Variants in ITPR2 observed in about 807,000 individuals in gnomAD.
The protein encoded by ITPR2 is inositol 1,4,5-trisphosphate-gated calcium channel ITPR2.
Under a neutral mutation model 317.1 loss-of-function variants are expected in ITPR2, and 207 were observed. That is an observed-to-expected ratio of 0.65 (90% CI 0.58 to 0.73). The LOEUF is 0.73. Among genes scored for constraint, ITPR2 ranks in the 30% least tolerant of loss-of-function variants. The pLI is 0.00. For synonymous variants in ITPR2, 1,156 were observed against 1,149.1 expected (o/e 1.01, Z -0.12); for missense variants, 2,613 against 3,284.0 (o/e 0.80, Z 4.99).
chr12:26,682,340 A>G (rs114127339), intron 12 of ITPR2, among the ~76,000 whole-genome samples: 22 of 152,286 alleles, frequency 1.4e-4, no homozygotes, highest in African/African-American at 5.1e-4. Flanking sequence ...TGCTGCTACC[A>G]TTCTTTCTGG....
chr12:26,340,581 G>A (rs1278234780), intron 55 of ITPR2, among the ~76,000 whole-genome samples: 4 of 152,126 alleles, frequency 2.6e-5, no homozygotes, highest in Non-Finnish European at 4.4e-5. Flanking sequence ...AGAAAGCACC[G>A]TGAAGGCTGC....
At chr12:26,760,949 C>T (rs758814831) in intron 2 of ITPR2, among the ~76,000 whole-genome samples, 6 of 152,192 alleles carry the variant, frequency 3.9e-5, no homozygotes, top group Non-Finnish European at 8.8e-5. Flanking sequence ...ACCAGGCTGG[C>T]ATCCACAGAC....
At chr12:26,682,729 T>A (rs1011642472) in intron 11 of ITPR2, 56 bp from the exon 12 acceptor site, 2 of 933,480 alleles carry the variant, frequency 2.1e-6, no homozygotes, top group African/African-American at 3.4e-5. Flanking sequence ...CACTTACATA[T>A]TAACATCTTT....
At position 26,627,911 on chromosome 12, in the gene ITPR2, TA is replaced by T. The variant is rs549398115; in HGVS notation, c.3064+121del. ...CGTTCTGCACATGTATCCCAGAACT[TA>T]AAGTATAATAAAAAAATTTAAAAAG... On this transcript the variant is annotated intron_variant, in intron 23 of 56. Coordinates refer to ENST00000381340, the MANE Select transcript of ITPR2 (RefSeq NM_002223.4). 164 of 865,236 alleles carry T rather than the reference TA, an allele frequency of 1.9e-4. No homozygotes were observed. In the African/African-American group the frequency reaches 2.4e-3, roughly 13 times the overall value. The allele number at this position is 865,236 out of a possible 1,614,324, so 53.6% of individuals were successfully genotyped here.
intron 2 of ITPR2, among the ~76,000 whole-genome samples, chr12:26,788,484 T>G (rs1950294371): frequency 6.6e-6 from 1 of 152,172 alleles, no homozygotes; most frequent in East Asian, 1.9e-4. Context: ...TTTTAGAATT[T>G]TTCTCTTTGT....
intron 21 of ITPR2, among the ~76,000 whole-genome samples, chr12:26,653,461 C>T (rs1592000622): frequency 6.6e-6 from 1 of 152,168 alleles, no homozygotes; most frequent in East Asian, 1.9e-4. Flanking sequence ...AGGATGGTCT[C>T]GATCTCCTGA....
chr12:26,613,358 C>A (rs1250902886), intron 26 of ITPR2, among the ~76,000 whole-genome samples: 1 of 151,972 alleles, frequency 6.6e-6, no homozygotes, highest in Non-Finnish European at 1.5e-5. Context: ...CAGAAAATGA[C>A]AAAGTGCAGA....
rs386362868 is a variant in ITPR2, at chr12:26,462,673, C to CCTT, written c.6342+12622_6342+12623insAAG. On this transcript the variant is annotated intron_variant, in intron 45 of 56. Coordinates refer to ENST00000381340, the MANE Select transcript of ITPR2 (RefSeq NM_002223.4). ...TCAGCTATATAGTTAAGCTTTCTTT[C>CCTT]TTTTTTTTTTTTTTTTGAGACAGAG... is the stretch of plus-strand genomic sequence containing the variant. Among the ~76,000 whole-genome samples the CCTT allele has an allele frequency of 4.3e-3, 273 of 62,810 alleles. 5 individuals are homozygous for CCTT. The highest frequency in any genetic ancestry group is 8.6e-3 in the Middle Eastern group (1 of 116). The allele number at this position is 62,810 out of a possible 152,430, so 41.2% of individuals were successfully genotyped here. A position where few individuals can be genotyped will look rare whatever the true frequency, so the allele number is the denominator to read the frequency against.
At chr12:26,792,310 A>C (rs11048686) in intron 1 of ITPR2, among the ~76,000 whole-genome samples, 76,602 of 151,418 alleles carry the variant, frequency 0.51, 20,508 homozygotes, top group East Asian at 0.92. Flanking sequence ...CGACAAGAAG[A>C]AGCAAGGAGT....
At chr12:26,698,197 T>C (rs931907723) in intron 9 of ITPR2, among the ~76,000 whole-genome samples, 1 of 152,150 alleles carries the variant, frequency 6.6e-6, no homozygotes, top group Admixed American at 6.5e-5. Flanking sequence ...ACTCTATCCA[T>C]TGAAATCAAC....
chr12:26,830,637 T>C (rs1439161135), intron 1 of ITPR2, among the ~76,000 whole-genome samples: 3 of 152,250 alleles, frequency 2.0e-5, no homozygotes, highest in Non-Finnish European at 4.4e-5. Context: ...TGATATGCCA[T>C]CTATATAGTC....
At chr12:26,726,354 T>C (rs1470093210) in intron 2 of ITPR2, among the ~76,000 whole-genome samples, 3 of 152,128 alleles carry the variant, frequency 2.0e-5, no homozygotes, top group Non-Finnish European at 4.4e-5. Context: ...AACATCAAGA[T>C]AGAAAATCAT....
At chr12:26,489,455 G>A (rs1158733690) in intron 39 of ITPR2, among the ~76,000 whole-genome samples, 1 of 152,194 alleles carries the variant, frequency 6.6e-6, no homozygotes, top group South Asian at 2.1e-4. Flanking sequence ...ACAGAATCTG[G>A]AGCCAGACTG....
At chr12:26,451,261 C>G (rs1941734039) in intron 45 of ITPR2, among the ~76,000 whole-genome samples, 1 of 152,052 alleles carries the variant, frequency 6.6e-6, no homozygotes, top group African/African-American at 2.4e-5. Flanking sequence ...AACACAGACT[C>G]TTGAGTACCC....
chr12:26,608,140 T>A (rs1325901657), intron 26 of ITPR2, among the ~76,000 whole-genome samples: 1 of 152,012 alleles, frequency 6.6e-6, no homozygotes, highest in Non-Finnish European at 1.5e-5. Context: ...AATAAATAAA[T>A]AAAATAATGG....
chr12:26,428,408 C>T (rs1005635631), intron 48 of ITPR2, among the ~76,000 whole-genome samples: 2 of 152,094 alleles, frequency 1.3e-5, no homozygotes, highest in Non-Finnish European at 1.5e-5. Context: ...ACATCTCTCT[C>T]GGGAACCTTA....
At chr12:26,543,513 C>G (rs1407668863) in intron 37 of ITPR2, among the ~76,000 whole-genome samples, 2 of 152,084 alleles carry the variant, frequency 1.3e-5, no homozygotes, top group Admixed American at 1.3e-4. Context: ...AGGCTGGGCA[C>G]GGTAGCTCAC....
At chr12:26,759,671 G>A (rs186145220) in intron 2 of ITPR2, among the ~76,000 whole-genome samples, 1 of 152,324 alleles carries the variant, frequency 6.6e-6, no homozygotes, top group Non-Finnish European at 1.5e-5. Flanking sequence ...CACAACTAAA[G>A]CAGGGTGCAA....
Position 26,658,069 on chromosome 12 carries a change from C to A in ITPR2, c.1948G>T (p.Glu650Ter), listed in dbSNP as rs1947414308. 1 of 1,612,868 alleles carries A rather than the reference C, an allele frequency of 6.2e-7. No homozygotes were observed. ...SNTTAIPVTQ[E>*]LICKFMLSPG... The stretch of plus-strand genomic sequence containing the variant: ...CTCAACATAAATTTACAGATGAGTT[C>A]TTGAGTTACAGGGATAGCAGTGGTA... The change falls in exon 17 of 57, where the codon GAA becomes TAA. Residue 650 changes from glutamate to a stop codon, truncating the protein, a stop_gained. Coordinates refer to ENST00000381340, the MANE Select transcript of ITPR2 (RefSeq NM_002223.4). LOFTEE classifies it high-confidence loss of function.
Sources: gnomAD v4.1 joint callset for allele counts (sites outside exome capture counted in the v4.1 genomes callset) on GRCh38, gnomAD v4.1.1 for gene constraint, MANE v1.5 for transcripts, NCBI Gene and HGNC (gene_info 2026-07-23, HGNC 2026-07-21) for gene names.